RFX1: variants seen among roughly 807,000 people sequenced by gnomAD.
The protein encoded by RFX1 is regulatory factor X1.
In RFX1, 42 loss-of-function variants were observed where a neutral mutation model predicts 119.6. The observed-to-expected ratio is 0.35, with a 90% CI of 0.27 to 0.45. The LOEUF (loss-of-function observed/expected upper bound fraction) is 0.45, where lower values mean the gene tolerates loss of function less well. Among genes scored for constraint, RFX1 ranks in the 20% least tolerant of loss-of-function variants. RFX1 has a pLI of 1.00. For missense variants in RFX1, 1,118 were observed against 1,368.1 expected, an observed-to-expected ratio of 0.82 and a Z score of 2.88; for synonymous variants, 628 against 618.5, an observed-to-expected ratio of 1.02 and a Z score of -0.23.
rs754236917 is a variant in RFX1 at position 13,972,899 on chromosome 19, A to G, written c.1158T>C (p.Gly386=). Residue 386 remains glycine, a synonymous_variant, in exon 9 of 21, where the codon GGT becomes GGC. Coordinates refer to ENST00000254325, the MANE Select transcript of RFX1 (RefSeq NM_002918.5). ...ASNSSGGGGS[G]GGGGGGGGGG... ...CGCCTCCCCCGCCGCCGCCGCCACCACCACTGCCACCACCTCCGCTGCTGT... is the reference window on the plus strand; with the variant it reads ...CGCCTCCCCCGCCGCCGCCGCCACCGCCACTGCCACCACCTCCGCTGCTGT... The G allele has an allele frequency of 3.5e-5, 56 of 1,579,214 alleles. 1 individual carries two copies. In the South Asian group the frequency reaches 6.0e-4, roughly 17 times the overall value.
chr19:13,996,059 G>T lies in RFX1; in HGVS notation c.-52-2164C>A, dbSNP rs116001332. ...CAGAGCAAAACAAAACAAAAGGAAA[G>T]AACAGGGCAGGCCTGGCTGTTAAAG... On this transcript the variant is annotated intron_variant, in intron 1 of 20. Transcript: ENST00000254325. Among the ~76,000 whole-genome samples, 915 of 152,076 alleles carry T rather than the reference G, an allele frequency of 6.0e-3. 13 individuals are homozygous for T. Among genetic ancestry groups the T allele is most frequent in the African/African-American group, 0.021 (876 of 41,488 alleles).
chr19:13,964,733 C>T (rs547523727), intron 16 of RFX1, among the ~76,000 whole-genome samples: 48 of 152,210 alleles, frequency 3.2e-4, no homozygotes, highest in African/African-American at 1.1e-3. Context: ...CCGCCCGCCT[C>T]GCCTCCCAAA....
At chr19:13,993,944 A>T in intron 1 of RFX1, 49 bp from the exon 2 acceptor site, 2 of 1,048,728 alleles carry the variant, frequency 1.9e-6, no homozygotes, top group South Asian at 3.2e-5. Context: ...AACAAAACAA[A>T]AGAAGGAAAA....
Position 13,962,653 on chromosome 19 carries a change from TGGAGGGGTGGCGGGGGCGGGTGGGGCGG to T in RFX1, c.*14_*41del. On this transcript the variant is annotated 3_prime_UTR_variant, in exon 21 of 21. Coordinates refer to ENST00000254325, the MANE Select transcript of RFX1 (RefSeq NM_002918.5). The stretch of plus-strand genomic sequence containing the variant: ...ACAGAAGCTTTGAGGGACCCTGGCG[TGGAGGGGTGGCGGGGGCGGGTGGGGCGG>T]GGAGGCCAAGGGCTTAGCTGGAGGG... 3 of 703,714 alleles carry T rather than the reference TGGAGGGGTGGCGGGGGCGGGTGGGGCGG, an allele frequency of 4.3e-6. No homozygotes were observed. Among genetic ancestry groups the T allele is most frequent in the African/African-American group, 6.0e-5 (1 of 16,568 alleles). The allele number at this position is 703,714 out of a possible 1,614,324, so 43.6% of individuals were successfully genotyped here.
At chr19:14,004,091 G>A (rs1056487163) in intron 1 of RFX1, among the ~76,000 whole-genome samples, 9 of 152,000 alleles carry the variant, frequency 5.9e-5, no homozygotes, top group Non-Finnish European at 1.3e-4. Context: ...TTAGAAACAG[G>A]GTTTCACCAT....
chr19:13,988,478 G>A (rs971328371), intron 2 of RFX1, among the ~76,000 whole-genome samples: 2 of 152,228 alleles, frequency 1.3e-5, no homozygotes, highest in Non-Finnish European at 2.9e-5. Context: ...CCCAGGGCGT[G>A]GATCAGGACC....
At position 13,965,308 on chromosome 19, in the gene RFX1, G is replaced by A. The variant is rs1973856574; in HGVS notation, c.2211+141C>T. On this transcript the variant is annotated intron_variant, in intron 16 of 20. Coordinates refer to ENST00000254325, the MANE Select transcript of RFX1 (RefSeq NM_002918.5). The surrounding 1 kb of genome is among the most constrained non-coding windows in gnomAD (Gnocchi z 4.7). ...AAAGACAATGCCCAGGGTGCTCCCCGAGGCGGAGAAGGTCTCCCCTTCCTC... is the reference window on the plus strand; with the variant it reads ...AAAGACAATGCCCAGGGTGCTCCCCAAGGCGGAGAAGGTCTCCCCTTCCTC... 1.1e-5 allele frequency: 8 copies of A among 751,704 alleles called. No individual in the cohort carries two copies. The highest frequency in any genetic ancestry group is 4.6e-5 in the Admixed American group (2 of 43,268). 46.6% of individuals were successfully genotyped at this position (751,704 alleles called of 1,614,324 possible).
Position 13,963,592 on chromosome 19 carries a change from C to T in RFX1, c.2516G>A (p.Ser839Asn). ...CTTGGCGGCCTTGGGGAAGCCGGCG[C>T]TGCCCTGGTAGGGCTTGAGCACCTG... is the stretch of plus-strand genomic sequence containing the variant. The part of the protein sequence containing the change: ...VSQVLKPYQG[S>N]AGFPKAAKLF... The change falls in exon 18 of 21, where the codon AGC becomes AAC. Residue 839 changes from serine (S) to asparagine (N), a missense_variant. Coordinates refer to ENST00000254325, the MANE Select transcript of RFX1 (RefSeq NM_002918.5). 6.2e-7 allele frequency: 1 copy of T among 1,605,070 alleles called. No individual in the cohort carries two copies. The highest frequency in any genetic ancestry group is 1.3e-5 in the African/African-American group (1 of 74,994).
intron 9 of RFX1, 143 bp from the exon 10 acceptor site, chr19:13,970,318 T>C (rs914662585): frequency 1.5e-5 from 10 of 654,694 alleles, no homozygotes; most frequent in Non-Finnish European, 2.6e-5. Context: ...ACTGCCATCC[T>C]CTCCAAGAAC....
Position 13,980,781 on chromosome 19 carries a change from T to A in RFX1, c.622-92A>T, listed in dbSNP as rs1974405291. 4 of 362,996 alleles carry A rather than the reference T, an allele frequency of 1.1e-5. No homozygotes were observed. The highest frequency in any genetic ancestry group is 1.8e-5 in the Non-Finnish European group (4 of 227,228). The allele number at this position is 362,996 out of a possible 1,614,324, so 22.5% of individuals were successfully genotyped here. Reference sequence around the variant, plus strand: ...ACACACACCCTTCTCAGGAGAGCTGTCTGGGGAGGGCGGCAGTCTGTGGGG... The same window carrying A: ...ACACACACCCTTCTCAGGAGAGCTGACTGGGGAGGGCGGCAGTCTGTGGGG... On this transcript the variant is annotated intron_variant, in intron 5 of 20. Coordinates refer to ENST00000254325, the MANE Select transcript of RFX1 (RefSeq NM_002918.5). This position sits in a 1 kb window ranked among gnomAD's most constrained non-coding sequence, Gnocchi z 5.1.
At position 13,983,447 on chromosome 19, in the gene RFX1, C is replaced by G. The variant is rs775060425; in HGVS notation, c.429+39G>C. 6.0e-6 allele frequency: 9 copies of G among 1,508,458 alleles called. 1 individual carries two copies. Among genetic ancestry groups the G allele is most frequent in the Middle Eastern group, 1.7e-4 (1 of 5,878 alleles). The allele number at this position is 1,508,458 out of a possible 1,614,324, so 93.4% of individuals were successfully genotyped here. A position where few individuals can be genotyped will look rare whatever the true frequency, so the allele number is the denominator to read the frequency against. On this transcript the variant is annotated intron_variant, in intron 3 of 20. Coordinates refer to ENST00000254325, the MANE Select transcript of RFX1 (RefSeq NM_002918.5). ...GGACGCAGCCTGCACTGCCCCCCTCCCGGGCCCTCCCCCACCCCCTGGGAG... is the reference window on the plus strand; with the variant it reads ...GGACGCAGCCTGCACTGCCCCCCTCGCGGGCCCTCCCCCACCCCCTGGGAG...
At chr19:13,974,945 GGGGCA>G (rs1974208781) in intron 8 of RFX1, among the ~76,000 whole-genome samples, 1 of 151,600 alleles carries the variant, frequency 6.6e-6, no homozygotes, top group Non-Finnish European at 1.5e-5. Context: ...TCAGGAGGCT[GGGGCA>G]GGAGGATCAC....
Position 13,980,048 on chromosome 19 carries a change from C to T in RFX1, c.739-506G>A, listed in dbSNP as rs1974379790. 6.6e-6 allele frequency among the ~76,000 whole-genome samples: 1 copy of T among 152,128 alleles called. No homozygotes were observed. The highest frequency in any genetic ancestry group is 6.6e-5 in the Admixed American group (1 of 15,266). On this transcript the variant is annotated intron_variant, in intron 6 of 20. Coordinates refer to ENST00000254325, the MANE Select transcript of RFX1 (RefSeq NM_002918.5). The surrounding 1 kb of genome is among the most constrained non-coding windows in gnomAD (Gnocchi z 5.1). ...CTGTGAAACCTCTGGGACAGGGTTT[C>T]TGTTTACACTTGGGGAAGGGTCTAT...
At position 13,968,407 on chromosome 19, in the gene RFX1, G is replaced by A. The variant is rs972827476; in HGVS notation, c.1732+158C>T. Among the ~76,000 whole-genome samples the A allele has an allele frequency of 1.3e-5, 2 of 152,004 alleles. No individual in the cohort carries two copies. Among genetic ancestry groups the A allele is most frequent in the Non-Finnish European group, 2.9e-5 (2 of 68,012 alleles). On this transcript the variant is annotated intron_variant, in intron 12 of 20. Coordinates refer to ENST00000254325, the MANE Select transcript of RFX1 (RefSeq NM_002918.5). The surrounding 1 kb of genome is among the most constrained non-coding windows in gnomAD (Gnocchi z 5.5). ...TAGGGACAGAACTGTCACTGTGGAC[G>A]GAGACTGTGATGTCTCCCCCACCCC... is the stretch of plus-strand genomic sequence containing the variant.
At chr19:13,976,747 T>C (rs546105273) in intron 8 of RFX1, among the ~76,000 whole-genome samples, 5 of 152,322 alleles carry the variant, frequency 3.3e-5, no homozygotes, top group African/African-American at 1.2e-4. Flanking sequence ...ATGCCTGTAA[T>C]CCCAGCACTT....
At chr19:13,976,387 A>G (rs912313879) in intron 8 of RFX1, among the ~76,000 whole-genome samples, 5 of 152,220 alleles carry the variant, frequency 3.3e-5, no homozygotes, top group South Asian at 2.1e-4. Context: ...GTACTGCAGC[A>G]ATTTCTGTGG....
intron 9 of RFX1, among the ~76,000 whole-genome samples, chr19:13,970,611 G>A (rs923354014): frequency 2.3e-5 from 3 of 132,882 alleles, no homozygotes; most frequent in Admixed American, 8.6e-5. Flanking sequence ...GCTGCAGTAG[G>A]CTATGGTCAA....
Position 13,993,540 on chromosome 19 carries a change from C to T in RFX1, c.304G>A (p.Val102Met), listed in dbSNP as rs1389177933. The T allele has an allele frequency of 1.9e-6, 3 of 1,612,534 alleles. No individual in the cohort carries two copies. Among genetic ancestry groups the T allele is most frequent in the Admixed American group, 1.7e-5 (1 of 59,762 alleles). The change falls in exon 2 of 21, where the codon GTG (valine) becomes ATG (methionine). Residue 102 changes from valine (V) to methionine (M), a missense_variant. Physicochemically the swap from Val to Met is conservative, Grantham distance 21. Transcript: ENST00000254325. ...CGGCACTTACCAGAGACAGTGACCA[C>T]GATGTACTGCTGGGGTGCAGGCGAA... is the stretch of plus-strand genomic sequence containing the variant. ...TPSPAPQQYI[V>M]VTVSEGAMRA...
At chr19:13,979,959 G>A (rs1054281249) in intron 6 of RFX1, among the ~76,000 whole-genome samples, 3 of 152,144 alleles carry the variant, frequency 2.0e-5, no homozygotes, top group Admixed American at 2.0e-4. Flanking sequence ...GCTGAGTGGA[G>A]GAGCTGGGGC....
Sources: gnomAD v4.1 joint callset for allele counts (sites outside exome capture counted in the v4.1 genomes callset) on GRCh38, gnomAD v4.1.1 for gene constraint, Gnocchi (gnomAD v3.1) non-coding constraint, MANE v1.5 for transcripts, NCBI Gene and HGNC (gene_info 2026-07-23, HGNC 2026-07-21) for gene names.